ANTXR2: variants seen among roughly 807,000 people sequenced by gnomAD.
The protein encoded by ANTXR2 is anthrax toxin receptor 2.
Under a neutral mutation model 73.7 loss-of-function variants are expected in ANTXR2, and 44 were observed. The observed-to-expected ratio is 0.60, with a 90% CI of 0.47 to 0.77. The LOEUF (loss-of-function observed/expected upper bound fraction) is 0.77. ANTXR2 is among the 30% of genes least tolerant of loss of function. The probability of loss-of-function intolerance (pLI) is 0.00; values close to 1 mark genes in which losing one functional copy is unlikely to be tolerated. For synonymous variants in ANTXR2, 217 were observed against 205.9 expected (o/e 1.05, Z -0.46); for missense variants, 604 against 592.5 (o/e 1.02, Z -0.20).
intron 16 of ANTXR2, among the ~76,000 whole-genome samples, chr4:79,975,981 C>T (rs1193356441): frequency 6.9e-6 from 1 of 145,902 alleles, no homozygotes; most frequent in African/African-American, 2.5e-5. Flanking sequence ...GGCAAGATCT[C>T]GGCTCACTGC....
At chr4:79,911,181 A>G (rs964631179) in intron 16 of ANTXR2, among the ~76,000 whole-genome samples, 1 of 152,232 alleles carries the variant, frequency 6.6e-6, no homozygotes, top group Admixed American at 6.5e-5. Flanking sequence ...TATTTGCAGG[A>G]AATGGAATAT....
rs143845123 is a variant in ANTXR2 at position 80,017,086 on chromosome 4, C to T, written c.945+1812G>A. 3.3e-5 allele frequency among the ~76,000 whole-genome samples: 5 copies of T among 152,352 alleles called. No individual in the cohort carries two copies. In the East Asian group the frequency reaches 9.7e-4, roughly 29 times the overall value. Reference sequence around the variant, plus strand: ...AAATCATGTCACCTTCCAAGGTCTTCCTGTTTCACTCAGAAGAAAAGCTCA... The same window carrying T: ...AAATCATGTCACCTTCCAAGGTCTTTCTGTTTCACTCAGAAGAAAAGCTCA... On this transcript the variant is annotated intron_variant, in intron 11 of 16. Transcript: ENST00000403729.
intron 7 of ANTXR2, among the ~76,000 whole-genome samples, chr4:80,038,446 A>T (rs773639478): frequency 1.3e-5 from 2 of 152,094 alleles, no homozygotes; most frequent in East Asian, 3.9e-4. Flanking sequence ...CTGGTGATCT[A>T]CATCTTTGGA....
intron 16 of ANTXR2, among the ~76,000 whole-genome samples, chr4:79,965,847 GATA>G (rs1381337431): frequency 2.0e-5 from 3 of 152,084 alleles, no homozygotes; most frequent in African/African-American, 7.2e-5. Context: ...CCTAATATCA[GATA>G]ATTTGTTGAG....
At chr4:79,958,269 A>G (rs1463758679) in intron 16 of ANTXR2, among the ~76,000 whole-genome samples, 10 of 152,098 alleles carry the variant, frequency 6.6e-5, no homozygotes, top group Admixed American at 6.6e-4. Context: ...ACTGCCCTAC[A>G]GTAACTGTCA....
chr4:79,921,803 C>A (rs1727603114), intron 16 of ANTXR2, among the ~76,000 whole-genome samples: 1 of 151,912 alleles, frequency 6.6e-6, no homozygotes, highest in African/African-American at 2.4e-5. Context: ...TTAGTGAACA[C>A]ATTGCACATA....
chr4:79,961,503 T>A (rs1729140348), intron 16 of ANTXR2, among the ~76,000 whole-genome samples: 1 of 152,116 alleles, frequency 6.6e-6, no homozygotes, highest in Admixed American at 6.5e-5. Flanking sequence ...AGTGTGATCA[T>A]GGCTTACTGC....
intron 10 of ANTXR2, among the ~76,000 whole-genome samples, chr4:80,023,128 GTTTAA>G (rs1343961701): frequency 2.0e-5 from 3 of 152,046 alleles, no homozygotes; most frequent in Non-Finnish European, 4.4e-5. Flanking sequence ...AATACCTTTT[GTTTAA>G]TTTAATTAAT....
At chr4:79,961,569 G>A (rs1440624377) in intron 16 of ANTXR2, among the ~76,000 whole-genome samples, 2 of 151,982 alleles carry the variant, frequency 1.3e-5, no homozygotes, top group African/African-American at 4.8e-5. Context: ...CGGGTAGCTG[G>A]TACTACAGGC....
intron 16 of ANTXR2, among the ~76,000 whole-genome samples, chr4:79,976,487 C>T (rs1160515572): frequency 6.7e-6 from 1 of 150,358 alleles, no homozygotes; most frequent in Admixed American, 6.6e-5. Context: ...GTTACCACCA[C>T]TTTCCATGAC....
At chr4:80,031,882 A>T (rs541287464) in intron 9 of ANTXR2, among the ~76,000 whole-genome samples, 190 bp from the exon 10 acceptor site, 8 of 151,884 alleles carry the variant, frequency 5.3e-5, no homozygotes, top group African/African-American at 1.7e-4. Flanking sequence ...CCATTGACAT[A>T]TAGTGTTGGT....
intron 3 of ANTXR2, among the ~76,000 whole-genome samples, chr4:80,058,643 G>T (rs990160313): frequency 1.3e-5 from 2 of 150,094 alleles, no homozygotes; most frequent in Non-Finnish European, 3.0e-5. Context: ...AATGTGGTAG[G>T]TTAAAAACAG....
chr4:80,072,361 C>A (rs1159943070), intron 1 of ANTXR2, 48 bp downstream of exon 1: 27 of 1,518,126 alleles, frequency 1.8e-5, no homozygotes, highest in Non-Finnish European at 2.4e-5. Flanking sequence ...CCCAGCTGAT[C>A]CAGTGCCGCC....
intron 3 of ANTXR2, among the ~76,000 whole-genome samples, chr4:80,058,949 T>C (rs1438270713): frequency 6.6e-6 from 1 of 152,102 alleles, no homozygotes; most frequent in South Asian, 2.1e-4. Flanking sequence ...AGTTTCTTTG[T>C]CACCCCCAAG....
At chr4:79,913,300 A>T (rs1727218431) in intron 16 of ANTXR2, among the ~76,000 whole-genome samples, 1 of 152,170 alleles carries the variant, frequency 6.6e-6, no homozygotes, top group African/African-American at 2.4e-5. Flanking sequence ...TTATTAATAA[A>T]TTTTATAATC....
intron 7 of ANTXR2, among the ~76,000 whole-genome samples, chr4:80,048,657 G>A (rs1167704990): frequency 6.6e-6 from 1 of 151,636 alleles, no homozygotes; most frequent in Non-Finnish European, 1.5e-5. Flanking sequence ...TGTTTATTAG[G>A]TTCCCTCTTC....
intron 8 of ANTXR2, among the ~76,000 whole-genome samples, chr4:80,035,318 T>G (rs1732902474): frequency 6.6e-6 from 1 of 152,094 alleles, no homozygotes; most frequent in South Asian, 2.1e-4. Flanking sequence ...CATGCACAAC[T>G]GGCTGAGAGG....
intron 16 of ANTXR2, among the ~76,000 whole-genome samples, chr4:79,946,715 A>C (rs1728529643): frequency 6.6e-6 from 1 of 152,138 alleles, no homozygotes; most frequent in South Asian, 2.1e-4. Context: ...GAAAATCAAA[A>C]CACTTTTAAT....
intron 3 of ANTXR2, among the ~76,000 whole-genome samples, chr4:80,067,880 A>G (rs1425472060): frequency 6.6e-6 from 1 of 152,248 alleles, no homozygotes; most frequent in Non-Finnish European, 1.5e-5. Flanking sequence ...CAGGATAGAT[A>G]GCTAATGCAT....
Sources: gnomAD v4.1 joint callset for allele counts (sites outside exome capture counted in the v4.1 genomes callset) on GRCh38, gnomAD v4.1.1 for gene constraint, MANE v1.5 for transcripts, NCBI Gene and HGNC (gene_info 2026-07-23, HGNC 2026-07-21) for gene names.